Variants in MKLN1 observed in about 807,000 individuals in gnomAD.
MKLN1 encodes the protein muskelin.
Under a neutral mutation model 99.0 loss-of-function variants are expected in MKLN1, and 18 were observed. The ratio of observed to expected loss-of-function variants is 0.18; its 90% confidence interval spans 0.13 to 0.27. The LOEUF (loss-of-function observed/expected upper bound fraction) is 0.27, where lower values mean the gene tolerates loss of function less well. Ranked by LOEUF, MKLN1 falls within the 10% of genes least tolerant of loss-of-function variation. MKLN1 has a pLI of 1.00. For missense variants in MKLN1, 621 were observed against 875.9 expected (o/e 0.71, Z 3.67); for synonymous variants, 288 against 293.2 (o/e 0.98, Z 0.18).
At chr7:131,362,425 T>G (rs1002295399) in intron 1 of MKLN1, among the ~76,000 whole-genome samples, 3 of 152,054 alleles carry the variant, frequency 2.0e-5, no homozygotes, top group Admixed American at 2.0e-4. Flanking sequence ...ACTTGATATT[T>G]CTATCTGGAA....
In MKLN1 at chr7:131,490,451, G is replaced by T. The variant is rs375595190; in HGVS notation, c.*2723G>T. On this transcript the variant is annotated 3_prime_UTR_variant, in exon 18 of 18. Coordinates refer to ENST00000352689, the MANE Select transcript of MKLN1 (RefSeq NM_013255.5). ...ATCTGATTTTCAAGACACCTCTTAAGTGCATTTGCATTTTATTTTGGTAAT... is the reference window on the plus strand; with the variant it reads ...ATCTGATTTTCAAGACACCTCTTAATTGCATTTGCATTTTATTTTGGTAAT... 1 of 152,598 alleles carries T rather than the reference G, an allele frequency of 6.6e-6. No individual in the cohort carries two copies. The highest frequency in any genetic ancestry group is 1.5e-5 in the Non-Finnish European group (1 of 68,008). The allele number at this position is 152,598 out of a possible 1,614,324, so 9.5% of individuals were successfully genotyped here. A position where few individuals can be genotyped will look rare whatever the true frequency, so the allele number is the denominator to read the frequency against.
Position 131,220,126 on chromosome 7 carries a change from G to A in MKLN1, c.-179+17152G>A, listed in dbSNP as rs185507634. 5.9e-5 allele frequency among the ~76,000 whole-genome samples: 9 copies of A among 152,206 alleles called. No individual in the cohort carries two copies. The East Asian group carries it at 1.7e-3, about 29-fold the overall frequency. On this transcript the variant is annotated intron_variant, in intron 3 of 7. Coordinates refer to the MKLN1 transcript ENST00000416992. ...GAACAATTGTTTTCTTTCCCTCTTT[G>A]GAAGACCAAGAATGTAACCACACAT...
At chr7:131,392,697 C>T (rs1368115055) in intron 4 of MKLN1, among the ~76,000 whole-genome samples, 2 of 151,708 alleles carry the variant, frequency 1.3e-5, no homozygotes, top group Non-Finnish European at 2.9e-5. Context: ...TTCCTGCCTC[C>T]TGGGTTCAAG....
chr7:131,291,370 A>G (rs567862754), intron 3 of MKLN1, among the ~76,000 whole-genome samples: 1 of 151,438 alleles, frequency 6.6e-6, no homozygotes, highest in South Asian at 2.1e-4. Context: ...ACCTCAGGTG[A>G]TCCACCCGCC....
chr7:131,386,166 A>G (rs1406457660), intron 2 of MKLN1, among the ~76,000 whole-genome samples: 2 of 152,164 alleles, frequency 1.3e-5, no homozygotes, highest in East Asian at 3.9e-4. Context: ...GGCGACCGCC[A>G]CCATGCCTGG....
intron 1 of MKLN1, among the ~76,000 whole-genome samples, chr7:131,366,705 T>G (rs1386368227): frequency 1.3e-5 from 2 of 151,966 alleles, no homozygotes; most frequent in Non-Finnish European, 2.9e-5. Flanking sequence ...CCAGCTACTC[T>G]GGAGGCTGAG....
chr7:131,147,196 C>T (rs962050411), intron 2 of MKLN1, among the ~76,000 whole-genome samples: 5 of 149,372 alleles, frequency 3.3e-5, no homozygotes, highest in East Asian at 3.9e-4. Flanking sequence ...GGATTACAGG[C>T]GCCTGCCACC....
chr7:131,237,486 C>A (rs1335622285), intron 3 of MKLN1, among the ~76,000 whole-genome samples: 1 of 151,964 alleles, frequency 6.6e-6, no homozygotes, highest in Non-Finnish European at 1.5e-5. Context: ...TACGTTAGAG[C>A]CAGAGGAAAG....
In MKLN1 at chr7:131,258,619, A is replaced by C. The variant is rs964888802; in HGVS notation, c.-179+55645A>C. 3.5e-4 allele frequency among the ~76,000 whole-genome samples: 54 copies of C among 152,126 alleles called. 1 individual carries two copies. Among genetic ancestry groups the C allele is most frequent in the Non-Finnish European group, 1.0e-4 (7 of 68,028 alleles). On this transcript the variant is annotated intron_variant, in intron 3 of 7. Transcript: ENST00000416992. ...AAGCAAGGTTACAATTGTTGGTATA[A>C]ATGAAGTGCTTTGCAGATGTTATCA...
Position 131,353,325 on chromosome 7 carries a change from AT to A in MKLN1, c.99-22090del, listed in dbSNP as rs139559414. Among the ~76,000 whole-genome samples the A allele has an allele frequency of 4.5e-4, 68 of 151,398 alleles. 1 individual carries two copies. The highest frequency in any genetic ancestry group is 1.2e-3 in the African/African-American group (48 of 41,282). ...TATGATAGGCATATAGTGATATCTG[AT>A]TTTTTTTTATTCCTCTAATGGCTAG... On this transcript the variant is annotated intron_variant, in intron 1 of 17. Transcript: ENST00000352689.
At chr7:131,178,228 T>G (rs1267305909) in intron 2 of MKLN1, among the ~76,000 whole-genome samples, 1 of 149,770 alleles carries the variant, frequency 6.7e-6, no homozygotes, top group Admixed American at 6.7e-5. Flanking sequence ...GCGATTCTCC[T>G]GCCTCAGCCT....
At chr7:131,275,569 T>A (rs56082612) in intron 3 of MKLN1, among the ~76,000 whole-genome samples, 146 of 49,714 alleles carry the variant, frequency 2.9e-3, no homozygotes, top group African/African-American at 4.4e-3. Context: ...ATATATATAT[T>A]TTTTTTTTTT....
chr7:131,245,125 C>T (rs1797466219), intron 3 of MKLN1, among the ~76,000 whole-genome samples: 1 of 152,168 alleles, frequency 6.6e-6, no homozygotes, highest in African/African-American at 2.4e-5. Context: ...TCAAAAATAT[C>T]AGAACCAAAT....
At chr7:131,400,863 T>G (rs986014518) in intron 6 of MKLN1, among the ~76,000 whole-genome samples, 1 of 152,128 alleles carries the variant, frequency 6.6e-6, no homozygotes, top group Non-Finnish European at 1.5e-5. Context: ...AATTAGTAGT[T>G]GCTCAATTCT....
intron 8 of MKLN1, 46 bp downstream of exon 8, chr7:131,414,756 G>C (rs567534434): frequency 8.6e-6 from 9 of 1,049,156 alleles, no homozygotes; most frequent in Non-Finnish European, 1.2e-5. Context: ...TTGGCTACAG[G>C]CATCGTCTAA....
chr7:131,248,843 T>C (rs1052408078), intron 3 of MKLN1, among the ~76,000 whole-genome samples: 5 of 152,236 alleles, frequency 3.3e-5, no homozygotes, highest in Admixed American at 6.5e-5. Context: ...GAGGTCTCTC[T>C]TGTCCTGGCT....
intron 1 of MKLN1, among the ~76,000 whole-genome samples, chr7:131,358,038 A>G (rs1487800924): frequency 7.2e-5 from 11 of 152,068 alleles, no homozygotes; most frequent in Non-Finnish European, 2.9e-5. Flanking sequence ...TTCCTTCTCA[A>G]TGTGTAGACT....
At chr7:131,186,186 G>A (rs1472012903) in intron 2 of MKLN1, among the ~76,000 whole-genome samples, 2 of 147,256 alleles carry the variant, frequency 1.4e-5, no homozygotes, top group Admixed American at 6.7e-5. Context: ...ATAAGACTCC[G>A]TCTCAAAAAC....
At chr7:131,428,348 G>T (rs1390072920) in intron 8 of MKLN1, among the ~76,000 whole-genome samples, 3 of 152,048 alleles carry the variant, frequency 2.0e-5, no homozygotes, top group Non-Finnish European at 4.4e-5. Context: ...TGACTTAAAG[G>T]ATAATTTCTG....
Sources: allele counts gnomAD v4.1 joint callset (sites outside exome capture counted in the v4.1 genomes callset), GRCh38; gene constraint gnomAD v4.1.1; transcripts MANE v1.5; gene names NCBI Gene and HGNC (gene_info 2026-07-23, HGNC 2026-07-21).